Variants in GSE1 observed in about 807,000 individuals in gnomAD.
GSE1 encodes the protein Gse1 coiled-coil protein.
GSE1 carries 32 observed loss-of-function variants against 112.6 expected under a neutral mutation model. The observed-to-expected ratio is 0.28, with a 90% CI of 0.21 to 0.38. The LOEUF (loss-of-function observed/expected upper bound fraction) is 0.38, where lower values mean the gene tolerates loss of function less well. Ranked by LOEUF, GSE1 falls within the 10% of genes least tolerant of loss-of-function variation. The pLI is 1.00. For synonymous variants in GSE1, 1,115 were observed against 735.6 expected, an observed-to-expected ratio of 1.52 and a Z score of -8.35; for missense variants, 2,348 against 1,699.2, an observed-to-expected ratio of 1.38 and a Z score of -6.71.
chr16:85,329,645 T>A (rs2046298326), intron 1 of GSE1, among the ~76,000 whole-genome samples: 1 of 151,766 alleles, frequency 6.6e-6, no homozygotes, highest in Non-Finnish European at 1.5e-5. Flanking sequence ...CAAGGCTCAT[T>A]AAGCGCCGGT....
chr16:85,577,096 T>C (rs531589620), intron 1 of GSE1, among the ~76,000 whole-genome samples: 1 of 149,786 alleles, frequency 6.7e-6, no homozygotes, highest in Non-Finnish European at 1.5e-5. Context: ...GAGCTGACCT[T>C]CCCCGGGCAC....
At chr16:85,571,748 G>A (rs368230726) in intron 1 of GSE1, among the ~76,000 whole-genome samples, 1 of 152,248 alleles carries the variant, frequency 6.6e-6, no homozygotes, top group Non-Finnish European at 1.5e-5. Context: ...AGGCAGAGGC[G>A]TGGGGGCAGA....
intron 2 of GSE1, among the ~76,000 whole-genome samples, chr16:85,635,322 C>T (rs1461847401): frequency 6.6e-6 from 1 of 152,180 alleles, no homozygotes; most frequent in Non-Finnish European, 1.5e-5. Context: ...CCTCCTGGCT[C>T]TTCCTGGCAA....
At chr16:85,431,485 C>T (rs2049119863) in intron 2 of GSE1, among the ~76,000 whole-genome samples, 1 of 152,252 alleles carries the variant, frequency 6.6e-6, no homozygotes, top group African/African-American at 2.4e-5. Flanking sequence ...ACCGTGTTTG[C>T]AGGCCACACT....
At chr16:85,454,053 C>T (rs987495361) in intron 2 of GSE1, among the ~76,000 whole-genome samples, 6 of 152,210 alleles carry the variant, frequency 3.9e-5, no homozygotes, top group Non-Finnish European at 7.3e-5. Flanking sequence ...CCCAGCTGGG[C>T]AGAGTGGCAG....
chr16:85,638,451 G>C (rs368268540), intron 2 of GSE1, among the ~76,000 whole-genome samples: 1 of 152,210 alleles, frequency 6.6e-6, no homozygotes, highest in African/African-American at 2.4e-5. Flanking sequence ...AGACGCTTGC[G>C]AATCGCCGAT....
chr16:85,300,437 G>A lies in GSE1; in HGVS notation c.2284-57026G>A, dbSNP rs76025199. On this transcript the variant is annotated intron_variant, in intron 1 of 2. Transcript: ENST00000637419. ...CCAAACAGAAATTCTGTACCCATTC[G>A]GTGTCAGCCCCTGTTCTCCTCCCAG... Among the ~76,000 whole-genome samples the A allele has an allele frequency of 9.7e-3, 1,483 of 152,180 alleles. 13 individuals carry two copies. The highest frequency in any genetic ancestry group is 0.017 in the Non-Finnish European group (1,125 of 68,010).
At position 85,221,659 on chromosome 16, in the gene GSE1, C is replaced by T. The variant is rs76093523; in HGVS notation, c.2283+49852C>T. Among the ~76,000 whole-genome samples, 558 of 152,330 alleles carry T rather than the reference C, an allele frequency of 3.7e-3. 2 individuals are homozygous for T. The highest frequency in any genetic ancestry group is 6.0e-3 in the Non-Finnish European group (409 of 68,026). ...CCAGGACGTGCCGCCTGAATGGTCT[C>T]GGCCCCGGCTTCCTAAACAAGATGA... On this transcript the variant is annotated intron_variant, in intron 1 of 2. Transcript: ENST00000637419.
intron 2 of GSE1, among the ~76,000 whole-genome samples, chr16:85,637,363 G>A (rs1041636994): frequency 2.0e-5 from 3 of 152,194 alleles, no homozygotes; most frequent in African/African-American, 4.8e-5. Context: ...GACCCGGGTC[G>A]GGGGAGCTGG....
At chr16:85,187,072 T>G (rs1030176762) in intron 1 of GSE1, among the ~76,000 whole-genome samples, 2 of 152,202 alleles carry the variant, frequency 1.3e-5, no homozygotes, top group African/African-American at 2.4e-5. Flanking sequence ...TTGGTGTCTC[T>G]GGGGAGTGGT....
intron 2 of GSE1, among the ~76,000 whole-genome samples, chr16:85,432,158 G>C (rs2049138838): frequency 1.3e-5 from 2 of 152,234 alleles, no homozygotes; most frequent in Admixed American, 1.3e-4. Context: ...AAAGCCCTTA[G>C]AGTGTCATAA....
chr16:85,611,194 T>C (rs2047955848), upstream of GSE1, among the ~76,000 whole-genome samples: 2 of 151,984 alleles, frequency 1.3e-5, no homozygotes, highest in African/African-American at 2.4e-5. Context: ...GTTGGGCCAG[T>C]CCCGGAGGTG....
At chr16:85,441,230 C>T (rs1387868244) in intron 2 of GSE1, among the ~76,000 whole-genome samples, 1 of 152,188 alleles carries the variant, frequency 6.6e-6, no homozygotes, top group Non-Finnish European at 1.5e-5. Flanking sequence ...CATCTCTGGC[C>T]TCGACCCACC....
chr16:85,450,443 T>C (rs2049644732), intron 2 of GSE1, among the ~76,000 whole-genome samples: 1 of 149,832 alleles, frequency 6.7e-6, no homozygotes, highest in Non-Finnish European at 1.5e-5. Flanking sequence ...TATTTCTTTA[T>C]TTTTTATTTT....
At chr16:85,204,529 C>T (rs2075082387) in intron 1 of GSE1, among the ~76,000 whole-genome samples, 1 of 152,218 alleles carries the variant, frequency 6.6e-6, no homozygotes, top group Non-Finnish European at 1.5e-5. Flanking sequence ...TTTTGAGGAC[C>T]TGCCAGGCTA....
chr16:85,189,462 A>G (rs73260344), intron 1 of GSE1, among the ~76,000 whole-genome samples: 2,297 of 152,314 alleles, frequency 0.015, 57 homozygotes, highest in African/African-American at 0.053. Flanking sequence ...GCACTTGGCA[A>G]AATCACAGCT....
rs2051716405 is a variant in GSE1 at position 85,654,364 on chromosome 16, C to T, written c.513C>T (p.Ala171=). The T allele has an allele frequency of 1.9e-6, 3 of 1,611,696 alleles. No individual in the cohort carries two copies. The highest frequency in any genetic ancestry group is 2.5e-6 in the Non-Finnish European group (3 of 1,179,134). Residue 171 remains alanine (A), a synonymous_variant, in exon 4 of 16, where the codon GCC becomes GCT. Transcript: ENST00000253458. ...PLPQEKAGGP[A]IPSHLLSTPY... ...CTCAGGAGAAGGCAGGGGGACCAGC[C>T]ATCCCCTCGCACCTGCTCAGCACCC...
chr16:85,335,061 C>A (rs551983909), intron 1 of GSE1, among the ~76,000 whole-genome samples: 4 of 152,374 alleles, frequency 2.6e-5, no homozygotes, highest in East Asian at 3.9e-4. Flanking sequence ...TCACCTGACC[C>A]TTGTTTGAGT....
intron 2 of GSE1, among the ~76,000 whole-genome samples, chr16:85,523,257 G>C (rs549858683): frequency 6.8e-6 from 1 of 147,742 alleles, no homozygotes; most frequent in African/African-American, 2.7e-5. Flanking sequence ...ACTGTGTTGT[G>C]TGTGCCCTGT....
Sources: allele counts gnomAD v4.1 joint callset (sites outside exome capture counted in the v4.1 genomes callset), GRCh38; gene constraint gnomAD v4.1.1; transcripts MANE v1.5; gene names NCBI Gene and HGNC (gene_info 2026-07-23, HGNC 2026-07-21).